Variants in RRP15 observed in about 807,000 individuals in gnomAD.
RRP15 encodes ribosomal RNA processing 15 homolog.
RRP15 carries 18 observed loss-of-function variants against 27.1 expected under a neutral mutation model. The observed-to-expected ratio is 0.66, with a 90% CI of 0.46 to 0.98. RRP15 has a LOEUF of 0.98. Ranked by LOEUF, RRP15 falls within the 50% of genes least tolerant of loss-of-function variation. The pLI is 0.00. For missense variants in RRP15, 359 were observed against 337.8 expected, an observed-to-expected ratio of 1.06 and a Z score of -0.49; for synonymous variants, 107 against 109.4, an observed-to-expected ratio of 0.98 and a Z score of 0.14.
intron 4 of RRP15, among the ~76,000 whole-genome samples, chr1:218,312,065 G>T (rs1374936504): frequency 6.6e-6 from 1 of 152,156 alleles, no homozygotes; most frequent in Non-Finnish European, 1.5e-5. Flanking sequence ...GCAAGGGATG[G>T]GTTCTCCCCT....
chr1:218,299,272 AAAT>A (rs1655773091), intron 1 of RRP15, among the ~76,000 whole-genome samples: 2 of 152,158 alleles, frequency 1.3e-5, no homozygotes. Context: ...TTCTTTAAGA[AAAT>A]AATAAAATAA....
chr1:218,328,028 G>A (rs761497012), intron 4 of RRP15, among the ~76,000 whole-genome samples: 3 of 152,202 alleles, frequency 2.0e-5, no homozygotes, highest in Non-Finnish European at 4.4e-5. Context: ...AACAGGCCTC[G>A]AGATTTTGAA....
In RRP15 at chr1:218,331,299, C is replaced by T. The variant is rs1350087787; in HGVS notation, c.*208C>T. Reference sequence around the variant, plus strand: ...TTGTATAATTTTAAGCATTGTTCCTCAGAACATTTGTAAAAGGATATATTT... The same window carrying T: ...TTGTATAATTTTAAGCATTGTTCCTTAGAACATTTGTAAAAGGATATATTT... On this transcript the variant is annotated 3_prime_UTR_variant, in exon 5 of 5. Transcript: ENST00000366932. 5.0e-6 allele frequency: 2 copies of T among 400,138 alleles called. No homozygotes were observed. Among genetic ancestry groups the T allele is most frequent in the Non-Finnish European group, 8.8e-6 (2 of 227,932 alleles). The allele number at this position is 400,138 out of a possible 1,614,324, so 24.8% of individuals were successfully genotyped here.
In RRP15 at chr1:218,331,057, G is replaced by A; in HGVS notation, c.815G>A (p.Ser272Asn). The change falls in exon 5 of 5, where the codon AGC (serine) becomes AAC (asparagine). Residue 272 changes from serine (S) to asparagine (N), a missense_variant. Ser to Asn is a conservative substitution (Grantham distance 46, BLOSUM62 1). Transcript: ENST00000366932. The part of the protein sequence containing the change: ...WDKESDGPDD[S>N]RPESASDSDT The stretch of plus-strand genomic sequence containing the variant: ...AAGGAAAGTGATGGGCCAGATGACA[G>A]CAGACCAGAATCTGCAAGTGACTCT... 6.2e-7 allele frequency: 1 copy of A among 1,612,822 alleles called. No individual in the cohort carries two copies. Among genetic ancestry groups the A allele is most frequent in the Non-Finnish European group, 8.5e-7 (1 of 1,179,122 alleles).
chr1:218,315,223 A>G (rs1656069789), intron 4 of RRP15, among the ~76,000 whole-genome samples: 1 of 152,130 alleles, frequency 6.6e-6, no homozygotes, highest in African/African-American at 2.4e-5. Context: ...TAGGTAAATA[A>G]TTAGTGGTGA....
chr1:218,312,688 A>G (rs1656022276), intron 4 of RRP15, among the ~76,000 whole-genome samples: 1 of 152,186 alleles, frequency 6.6e-6, no homozygotes. Context: ...AGAAAATCGT[A>G]AAGTTGGAAA....
At chr1:218,300,126 GT>G (rs1446961596) in intron 1 of RRP15, among the ~76,000 whole-genome samples, 1 of 151,952 alleles carries the variant, frequency 6.6e-6, no homozygotes, top group Non-Finnish European at 1.5e-5. Flanking sequence ...CAAATTAAAT[GT>G]TTTCATTAAT....
At chr1:218,314,017 T>TATTTTATTTTATTTTATTTTA (rs1558208688) in intron 4 of RRP15, among the ~76,000 whole-genome samples, 28 of 147,898 alleles carry the variant, frequency 1.9e-4, no homozygotes, top group African/African-American at 6.6e-4. Flanking sequence ...ATTTTATGTT[T>TATTTTATTTTATTTTATTTTA]TGTTATTTTA....
intron 4 of RRP15, among the ~76,000 whole-genome samples, chr1:218,313,087 T>C (rs546857486): frequency 6.6e-6 from 1 of 152,348 alleles, no homozygotes; most frequent in South Asian, 2.1e-4. Context: ...AGCTTTTATT[T>C]TAGACTAAGG....
At chr1:218,315,598 T>A (rs1237650638) in intron 4 of RRP15, among the ~76,000 whole-genome samples, 1 of 149,824 alleles carries the variant, frequency 6.7e-6, no homozygotes, top group East Asian at 1.9e-4. Context: ...TGGCTTTATT[T>A]TTTTATTATT....
rs117222826 is a variant in RRP15, at chr1:218,326,929, C to A, written c.706-4019C>A. Among the ~76,000 whole-genome samples, 174 of 152,318 alleles carry A rather than the reference C, an allele frequency of 1.1e-3. 1 individual carries two copies. In the East Asian group the frequency reaches 0.027, roughly 24 times the overall value. ...TTTTATTTTGGTTCTTCCACTTCAA[C>A]CCTTAACTTCCAGAAGTCCCTGATA... is the stretch of plus-strand genomic sequence containing the variant. On this transcript the variant is annotated intron_variant, in intron 4 of 4. Coordinates refer to ENST00000366932, the MANE Select transcript of RRP15 (RefSeq NM_016052.4).
At chr1:218,300,172 T>C (rs1267814968) in intron 1 of RRP15, among the ~76,000 whole-genome samples, 2 of 152,172 alleles carry the variant, frequency 1.3e-5, no homozygotes, top group African/African-American at 4.8e-5. Context: ...GCAGCTCTAT[T>C]AGCATGATAG....
At chr1:218,307,355 C>T (rs79801491) in intron 3 of RRP15, 76 bp from the exon 4 acceptor site, 41,075 of 1,284,880 alleles carry the variant, frequency 0.032, 770 homozygotes, top group East Asian at 0.074. Flanking sequence ...AGTGAAAATA[C>T]ATTTTTCCTA....
At chr1:218,298,610 G>T (rs946260627) in intron 1 of RRP15, among the ~76,000 whole-genome samples, 1 of 152,182 alleles carries the variant, frequency 6.6e-6, no homozygotes, top group Admixed American at 6.5e-5. Flanking sequence ...GGAGCTGGAG[G>T]TTTGGGGGAA....
intron 4 of RRP15, among the ~76,000 whole-genome samples, chr1:218,328,384 T>TG (rs1656307589): frequency 1.3e-5 from 2 of 152,142 alleles, no homozygotes; most frequent in African/African-American, 4.8e-5. Flanking sequence ...TTTTGTGGGC[T>TG]GGGCACGGTG....
At chr1:218,297,630 A>G (rs1350200569) in intron 1 of RRP15, among the ~76,000 whole-genome samples, 1 of 152,100 alleles carries the variant, frequency 6.6e-6, no homozygotes, top group Non-Finnish European at 1.5e-5. Flanking sequence ...GTCCTCAATC[A>G]CGTTTTTACC....
chr1:218,315,100 A>AT (rs1656067649), intron 4 of RRP15, among the ~76,000 whole-genome samples: 1 of 151,630 alleles, frequency 6.6e-6, no homozygotes. Context: ...CCAGGTATTT[A>AT]TTTTTTCTGA....
Position 218,285,338 on chromosome 1 carries a change from T to C in RRP15, c.22T>C (p.Ser8Pro). MAAAAPD[S>P]RVSEEENLKK... The stretch of plus-strand genomic sequence containing the variant: ...AAAAATGGCAGCCGCCGCTCCGGAC[T>C]CACGTGTGAGTGAGGAAGAAAACCT... The change falls in exon 1 of 5, where the codon TCA becomes CCA. Residue 8 changes from serine to proline, a missense_variant. By Grantham distance (74) the Ser-to-Pro change is moderately conservative (BLOSUM62 -1). Coordinates refer to ENST00000366932, the MANE Select transcript of RRP15 (RefSeq NM_016052.4). 1 of 1,614,086 alleles carries C rather than the reference T, an allele frequency of 6.2e-7. No individual in the cohort carries two copies. The highest frequency in any genetic ancestry group is 8.5e-7 in the Non-Finnish European group (1 of 1,179,998).
At position 218,285,340 on chromosome 1, in the gene RRP15, A is replaced by G. The variant is rs1367615911; in HGVS notation, c.24A>G (p.Ser8=). 1.9e-6 allele frequency: 3 copies of G among 1,614,164 alleles called. No homozygotes were observed. The highest frequency in any genetic ancestry group is 4.5e-5 in the East Asian group (2 of 44,872). ...AAATGGCAGCCGCCGCTCCGGACTC[A>G]CGTGTGAGTGAGGAAGAAAACCTGA... MAAAAPD[S]RVSEEENLKK... Residue 8 remains serine, a synonymous_variant, in exon 1 of 5, where the codon TCA becomes TCG. Coordinates refer to ENST00000366932, the MANE Select transcript of RRP15 (RefSeq NM_016052.4).
Sources: gnomAD v4.1 joint callset for allele counts (sites outside exome capture counted in the v4.1 genomes callset) on GRCh38, gnomAD v4.1.1 for gene constraint, MANE v1.5 for transcripts, NCBI Gene and HGNC (gene_info 2026-07-23, HGNC 2026-07-21) for gene names.